The following PLCB4 variants were observed in gnomAD, a reference collection of about 807,000 sequenced individuals.
PLCB4 encodes the protein 1-phosphatidylinositol 4,5-bisphosphate phosphodiesterase beta-4.
Under a neutral mutation model 178.8 loss-of-function variants are expected in PLCB4, and 77 were observed. That is an observed-to-expected ratio of 0.43 (90% CI 0.36 to 0.52). The LOEUF is 0.52. Ranked by LOEUF, PLCB4 falls within the 20% of genes least tolerant of loss-of-function variation. The pLI, the probability that PLCB4 is intolerant of heterozygous loss-of-function variation, is 0.00. For missense variants in PLCB4, 1,024 were observed against 1,453.4 expected, an observed-to-expected ratio of 0.70 and a Z score of 4.80; for synonymous variants, 496 against 490.8, an observed-to-expected ratio of 1.01 and a Z score of -0.14.
At chr20:9,169,732 T>C (rs1389714316) in intron 2 of PLCB4, among the ~76,000 whole-genome samples, 3 of 152,196 alleles carry the variant, frequency 2.0e-5, no homozygotes, top group African/African-American at 7.2e-5. Flanking sequence ...TCCTTCCCAT[T>C]GTACTTTCCT....
intron 2 of PLCB4, among the ~76,000 whole-genome samples, chr20:9,109,832 C>G (rs2091510032): frequency 6.6e-6 from 1 of 152,114 alleles, no homozygotes. Context: ...GTTACAGCTT[C>G]AAAATCTCAG....
In PLCB4 at chr20:9,407,943, G is replaced by A. The variant is rs747526336; in HGVS notation, c.1674G>A (p.Gln558=). ...GCCTGGTCACTGTAGAAGATGAGCA[G>A]GCGTGGATGGCATCTTATAAATATG... The part of the protein sequence containing the change: ...KKGLVTVEDE[Q]AWMASYKYVG... Residue 558 remains glutamine (Q), a synonymous_variant, in exon 22 of 40, where the codon CAG becomes CAA. Coordinates refer to ENST00000378473, the MANE Select transcript of PLCB4 (RefSeq NM_001377142.1). 6.2e-7 allele frequency: 1 copy of A among 1,613,810 alleles called. No homozygotes were observed. The highest frequency in any genetic ancestry group is 8.5e-7 in the Non-Finnish European group (1 of 1,179,804).
chr20:9,168,624 C>G (rs1345013302), intron 2 of PLCB4, among the ~76,000 whole-genome samples: 1 of 152,310 alleles, frequency 6.6e-6, no homozygotes, highest in South Asian at 2.1e-4. Flanking sequence ...AGGGACCACA[C>G]TTTGACTAGC....
At chr20:9,303,486 C>T (rs112312119) in intron 3 of PLCB4, among the ~76,000 whole-genome samples, 136 of 152,314 alleles carry the variant, frequency 8.9e-4, no homozygotes, top group African/African-American at 3.1e-3. Context: ...TTCTCCAGTT[C>T]CATCCATGTT....
At chr20:9,211,031 CT>C (rs1428279078) in intron 2 of PLCB4, among the ~76,000 whole-genome samples, 1 of 152,146 alleles carries the variant, frequency 6.6e-6, no homozygotes, top group Non-Finnish European at 1.5e-5. Flanking sequence ...CTTTTAATGT[CT>C]AGGCATGGTA....
chr20:9,224,345 C>T (rs2093837397), intron 3 of PLCB4, among the ~76,000 whole-genome samples: 1 of 152,078 alleles, frequency 6.6e-6, no homozygotes, highest in Non-Finnish European at 1.5e-5. Flanking sequence ...CTGGACAGTC[C>T]TTAACAAAAT....
chr20:9,101,057 G>A (rs1334032665), intron 2 of PLCB4, among the ~76,000 whole-genome samples: 2 of 152,150 alleles, frequency 1.3e-5, no homozygotes, highest in African/African-American at 4.8e-5. Flanking sequence ...TTGCCTGGCA[G>A]TGGAACCATC....
intron 28 of PLCB4, among the ~76,000 whole-genome samples, chr20:9,428,049 C>G (rs2041149006): frequency 6.6e-6 from 1 of 152,140 alleles, no homozygotes; most frequent in South Asian, 2.1e-4. Flanking sequence ...CATCTTGGGT[C>G]TCTGCCCAGG....
intron 1 of PLCB4, among the ~76,000 whole-genome samples, chr20:9,093,494 G>A (rs2090771226): frequency 6.6e-6 from 1 of 152,072 alleles, no homozygotes; most frequent in Admixed American, 6.6e-5. Context: ...TTTCTTTATT[G>A]GAAAGGAAAC....
rs146835055 is a variant in PLCB4, at chr20:9,137,567, T to A, written c.-79+41225T>A. Among the ~76,000 whole-genome samples the A allele has an allele frequency of 4.5e-3, 681 of 152,230 alleles. 7 individuals are homozygous for A. The highest frequency in any genetic ancestry group is 0.016 in the African/African-American group (646 of 41,568). ...CATGTATGCAGTTAATTATAATGTATTTAACTCTATAAAATGGAAAATTTG... is the reference window on the plus strand; with the variant it reads ...CATGTATGCAGTTAATTATAATGTAATTAACTCTATAAAATGGAAAATTTG... On this transcript the variant is annotated intron_variant, in intron 2 of 39. Coordinates refer to ENST00000378473, the MANE Select transcript of PLCB4 (RefSeq NM_001377142.1).
At chr20:9,152,009 G>T (rs1289437200) in intron 2 of PLCB4, among the ~76,000 whole-genome samples, 3 of 152,110 alleles carry the variant, frequency 2.0e-5, no homozygotes, top group African/African-American at 7.2e-5. Context: ...GCAGCATTTT[G>T]CCCCTGCCTT....
intron 16 of PLCB4, 92 bp from the exon 17 acceptor site, chr20:9,390,439 T>C: frequency 1.6e-6 from 1 of 614,820 alleles, no homozygotes; most frequent in Non-Finnish European, 3.0e-6. Context: ...TTTTGCCAAG[T>C]GAGAATCTTT....
chr20:9,181,514 G>A (rs143965420), intron 2 of PLCB4, among the ~76,000 whole-genome samples: 238 of 152,252 alleles, frequency 1.6e-3, no homozygotes, highest in African/African-American at 5.5e-3. Flanking sequence ...TGTGGAGGCT[G>A]GAAGTCCAAA....
intron 2 of PLCB4, among the ~76,000 whole-genome samples, chr20:9,190,722 G>A (rs1298915202): frequency 1.3e-5 from 2 of 152,190 alleles, no homozygotes; most frequent in East Asian, 3.9e-4. Context: ...CAAGGAGCAG[G>A]TTCCTGGGGA....
At chr20:9,475,407 G>C (rs1003009989) in intron 38 of PLCB4, among the ~76,000 whole-genome samples, 6 of 152,302 alleles carry the variant, frequency 3.9e-5, no homozygotes, top group Middle Eastern at 3.4e-3. Context: ...TAAACTGCTA[G>C]ATTAGTGATA....
chr20:9,251,025 A>G (rs539118111), intron 3 of PLCB4, among the ~76,000 whole-genome samples: 36 of 152,326 alleles, frequency 2.4e-4, no homozygotes, highest in African/African-American at 8.4e-4. Context: ...TTCCAAACTG[A>G]TATAGCCACA....
intron 3 of PLCB4, among the ~76,000 whole-genome samples, chr20:9,280,761 A>G (rs1327019743): frequency 6.6e-6 from 1 of 151,930 alleles, no homozygotes; most frequent in African/African-American, 2.4e-5. Flanking sequence ...CTTACTGAGC[A>G]TGCTGAAGTA....
chr20:9,431,492 G>A (rs966283283), intron 28 of PLCB4, among the ~76,000 whole-genome samples: 1 of 151,980 alleles, frequency 6.6e-6, no homozygotes, highest in African/African-American at 2.4e-5. Flanking sequence ...ATGAGACAGA[G>A]TCTTGCTCTG....
chr20:9,154,956 C>CT (rs1310818423), intron 2 of PLCB4, among the ~76,000 whole-genome samples: 1 of 136,440 alleles, frequency 7.3e-6, no homozygotes, highest in Non-Finnish European at 1.5e-5. Context: ...TCCTTCCTTC[C>CT]TTCCTTCCTT....
Sources: allele counts gnomAD v4.1 joint callset (sites outside exome capture counted in the v4.1 genomes callset), GRCh38; gene constraint gnomAD v4.1.1; transcripts MANE v1.5; gene names NCBI Gene and HGNC (gene_info 2026-07-23, HGNC 2026-07-21).